The following NFIB variants were observed in gnomAD, a reference collection of about 807,000 sequenced individuals.
NFIB encodes nuclear factor I B.
NFIB carries 11 observed loss-of-function variants against 61.5 expected under a neutral mutation model. That is an observed-to-expected ratio of 0.18 (90% CI 0.11 to 0.30). The LOEUF (loss-of-function observed/expected upper bound fraction) is 0.30, where lower values mean the gene tolerates loss of function less well. Among genes scored for constraint, NFIB ranks in the 10% least tolerant of loss-of-function variants. The pLI is 1.00. For synonymous variants in NFIB, 260 were observed against 216.5 expected (o/e 1.20, Z -1.76); for missense variants, 471 against 608.9 (o/e 0.77, Z 2.38).
At chr9:14,138,145 A>G (rs1284055124) in intron 6 of NFIB, among the ~76,000 whole-genome samples, 1 of 152,164 alleles carries the variant, frequency 6.6e-6, no homozygotes, top group East Asian at 1.9e-4. Flanking sequence ...AAGCATGATC[A>G]GTTTAGTAAG....
intron 2 of NFIB, 97 bp downstream of exon 2, chr9:14,306,892 G>A: frequency 6.9e-7 from 1 of 1,445,778 alleles, no homozygotes; most frequent in Non-Finnish European, 9.5e-7. Context: ...GGATATCTAG[G>A]GGCCTTGAGG....
chr9:14,385,681 C>A (rs1483388127), intron 1 of NFIB, among the ~76,000 whole-genome samples: 1 of 151,852 alleles, frequency 6.6e-6, no homozygotes, highest in Non-Finnish European at 1.5e-5. Context: ...AGCATGAGCA[C>A]AATTTATATA....
chr9:14,469,323 T>C, the NFIB span, among the ~76,000 whole-genome samples: 1 of 152,134 alleles, frequency 6.6e-6, no homozygotes, highest in African/African-American at 2.4e-5. Flanking sequence ...TCATTGTGGG[T>C]TTCACAAACT....
chr9:14,129,569 G>C lies in NFIB; in HGVS notation c.926-3803C>G, dbSNP rs116895508. Among the ~76,000 whole-genome samples the C allele has an allele frequency of 8.5e-3, 1,291 of 152,060 alleles. 40 individuals carry two copies. The highest frequency in any genetic ancestry group is 0.073 in the South Asian group (351 of 4,792). ...ATTTTGAATGTCTACAGTCTAAAAGGCTTCATGCCAAGGTGAAAAATGATA... is the reference window on the plus strand; with the variant it reads ...ATTTTGAATGTCTACAGTCTAAAAGCCTTCATGCCAAGGTGAAAAATGATA... On this transcript the variant is annotated intron_variant, in intron 6 of 10. Coordinates refer to ENST00000380953, the MANE Select transcript of NFIB (RefSeq NM_001190737.2).
intron 2 of NFIB, among the ~76,000 whole-genome samples, chr9:14,232,606 GA>G (rs2053320212): frequency 6.6e-6 from 1 of 152,156 alleles, no homozygotes; most frequent in African/African-American, 2.4e-5. Flanking sequence ...ACGAAGTCTG[GA>G]AGTCCATTTT....
At chr9:14,268,180 T>C (rs2057354143) in intron 2 of NFIB, among the ~76,000 whole-genome samples, 1 of 152,066 alleles carries the variant, frequency 6.6e-6, no homozygotes, top group Non-Finnish European at 1.5e-5. Flanking sequence ...AAAGATAATA[T>C]TTTACATGAA....
intron 3 of NFIB, among the ~76,000 whole-genome samples, chr9:14,169,110 T>C (rs1045752627): frequency 3.3e-5 from 5 of 152,190 alleles, no homozygotes; most frequent in African/African-American, 1.2e-4. Flanking sequence ...AAATACCAAA[T>C]TTTAAAATGA....
chr9:14,134,888 A>T, intron 6 of NFIB, among the ~76,000 whole-genome samples: 1 of 129,256 alleles, frequency 7.7e-6, no homozygotes, highest in South Asian at 2.5e-4. Flanking sequence ...ACAGGGCGAG[A>T]CTCTGTCTCA....
At chr9:14,125,871 A>C in intron 6 of NFIB, 105 bp from the exon 7 acceptor site, 1 of 1,450,136 alleles carries the variant, frequency 6.9e-7, no homozygotes, top group South Asian at 1.4e-5. Flanking sequence ...GTATTCTTAT[A>C]CTTTGGCTCT....
chr9:14,435,900 T>G, the NFIB span, among the ~76,000 whole-genome samples: 1 of 152,222 alleles, frequency 6.6e-6, no homozygotes, highest in Non-Finnish European at 1.5e-5. Context: ...CTTCACAGAT[T>G]TTAATACTAT....
Position 14,398,612 on chromosome 9 carries a change from G to C in NFIB, c.20C>G (p.Ser7Cys), listed in dbSNP as rs907607515. Residue 7 changes from serine to cysteine, a missense_variant, in exon 1 of 9, where the codon TCT becomes TGT. Physicochemically the swap from Ser to Cys is moderately radical, Grantham distance 112. Transcript: ENST00000380934. ...ACAGCAGACAACCCAGAAGTCCACA[G>C]ACACTGGGATTCTTTCCATACTCCG... 3.9e-6 allele frequency: 6 copies of C among 1,531,944 alleles called. No homozygotes were observed. Among genetic ancestry groups the C allele is most frequent in the Non-Finnish European group, 5.2e-6 (6 of 1,145,080 alleles). The allele number at this position is 1,531,944 out of a possible 1,614,324, so 94.9% of individuals were successfully genotyped here. A position where few individuals can be genotyped will look rare whatever the true frequency, so the allele number is the denominator to read the frequency against.
At chr9:14,237,507 A>G (rs909139361) in intron 2 of NFIB, among the ~76,000 whole-genome samples, 3 of 152,172 alleles carry the variant, frequency 2.0e-5, no homozygotes, top group Non-Finnish European at 4.4e-5. Flanking sequence ...CCTTCTCATT[A>G]AACAGAGCTG....
chr9:14,123,086 T>C (rs2039144502), intron 7 of NFIB, among the ~76,000 whole-genome samples: 1 of 151,620 alleles, frequency 6.6e-6, no homozygotes, highest in Non-Finnish European at 1.5e-5. Context: ...AAACCCCATC[T>C]CTACTAAAAA....
At position 14,082,180 on chromosome 9, in the gene NFIB, GT is replaced by G. The variant is rs892233851; in HGVS notation, c.*6128del. 1.3e-4 allele frequency: 26 copies of G among 205,558 alleles called. No individual in the cohort carries two copies. The highest frequency in any genetic ancestry group is 4.6e-4 in the African/African-American group (20 of 43,744). 12.7% of individuals were successfully genotyped at this position (205,558 alleles called of 1,614,324 possible). Reference sequence around the variant, plus strand: ...TAATACATCCTACTGCTAAAGGTTTGTTACATGGAGATTGTGCATGTGCCTC... The same window carrying G: ...TAATACATCCTACTGCTAAAGGTTTGTACATGGAGATTGTGCATGTGCCTC... On this transcript the variant is annotated 3_prime_UTR_variant, in exon 11 of 11. Coordinates refer to ENST00000380953, the MANE Select transcript of NFIB (RefSeq NM_001190737.2).
intron 2 of NFIB, among the ~76,000 whole-genome samples, chr9:14,287,052 G>A (rs2058752263): frequency 6.6e-6 from 1 of 152,172 alleles, no homozygotes; most frequent in Admixed American, 6.5e-5. Context: ...GGGAAGTACA[G>A]AGGAACTGAG....
At chr9:14,350,688 C>G (rs1244655962) in intron 1 of NFIB, among the ~76,000 whole-genome samples, 2 of 152,166 alleles carry the variant, frequency 1.3e-5, no homozygotes, top group Non-Finnish European at 2.9e-5. Context: ...AAAAATTCCT[C>G]TTTCTTTTTA....
At chr9:14,137,336 C>G (rs953145374) in intron 6 of NFIB, among the ~76,000 whole-genome samples, 1 of 152,124 alleles carries the variant, frequency 6.6e-6, no homozygotes, top group Non-Finnish European at 1.5e-5. Flanking sequence ...GCAAAATATA[C>G]GGGGCCTCCA....
At chr9:14,440,284 A>G in the NFIB span, among the ~76,000 whole-genome samples, 4 of 152,134 alleles carry the variant, frequency 2.6e-5, no homozygotes, top group African/African-American at 7.2e-5. Context: ...CGCTGACTAG[A>G]TTGAAATATT....
the NFIB span, among the ~76,000 whole-genome samples, chr9:14,483,043 C>T: frequency 1.3e-5 from 2 of 152,038 alleles, no homozygotes; most frequent in African/African-American, 2.4e-5. Context: ...TCGTCTTGTG[C>T]ATTATTTACT....
Sources: gnomAD v4.1 joint callset for allele counts (sites outside exome capture counted in the v4.1 genomes callset) on GRCh38, gnomAD v4.1.1 for gene constraint, MANE v1.5 for transcripts, NCBI Gene and HGNC (gene_info 2026-07-23, HGNC 2026-07-21) for gene names.